PDE4B: variants seen among roughly 807,000 people sequenced by gnomAD.
PDE4B encodes the protein phosphodiesterase 4B.
In PDE4B, 20 loss-of-function variants were observed where a neutral mutation model predicts 82.2. That is an observed-to-expected ratio of 0.24 (90% CI 0.17 to 0.35). The LOEUF (loss-of-function observed/expected upper bound fraction) is 0.35. PDE4B is among the 10% of genes least tolerant of loss of function. The pLI is 1.00. For synonymous variants in PDE4B, 320 were observed against 318.9 expected (o/e 1.00, Z -0.04); for missense variants, 655 against 907.2 (o/e 0.72, Z 3.57).
chr1:65,930,406 A>G (rs1389134606), intron 3 of PDE4B, among the ~76,000 whole-genome samples: 1 of 152,210 alleles, frequency 6.6e-6, no homozygotes. Context: ...CTCCAGAATG[A>G]TAGATCCACT....
chr1:66,241,515 T>G (rs1369284059), intron 3 of PDE4B, among the ~76,000 whole-genome samples: 2 of 152,188 alleles, frequency 1.3e-5, no homozygotes, highest in Non-Finnish European at 2.9e-5. Context: ...TTCTTTTTTT[T>G]TCTTTTTGTG....
chr1:66,255,873 T>C (rs1260657512), intron 4 of PDE4B, among the ~76,000 whole-genome samples: 1 of 152,224 alleles, frequency 6.6e-6, no homozygotes, highest in Non-Finnish European at 1.5e-5. Flanking sequence ...AGTCATAAAA[T>C]AGGAAGCATA....
intron 3 of PDE4B, among the ~76,000 whole-genome samples, chr1:66,002,601 A>G (rs2100713410): frequency 6.6e-6 from 1 of 152,050 alleles, no homozygotes. Context: ...ATGAAACACT[A>G]TATAATGCCT....
chr1:65,887,021 C>T (rs1646785803), intron 1 of PDE4B, among the ~76,000 whole-genome samples: 2 of 152,138 alleles, frequency 1.3e-5, no homozygotes, highest in South Asian at 4.1e-4. Flanking sequence ...TTCACATTCT[C>T]ACCAGCATCT....
At chr1:66,365,644 A>T in intron 12 of PDE4B, 23 bp from the exon 13 acceptor site, 1 of 1,438,396 alleles carries the variant, frequency 7.0e-7, no homozygotes, top group Non-Finnish European at 9.8e-7. Flanking sequence ...ATGTGTAGTT[A>T]AATGTGTTTA....
At chr1:66,230,992 C>T (rs1181777989) in intron 3 of PDE4B, among the ~76,000 whole-genome samples, 3 of 149,816 alleles carry the variant, frequency 2.0e-5, no homozygotes, top group Admixed American at 2.0e-4. Flanking sequence ...CGAGATTGCA[C>T]CACTGCACTC....
At chr1:65,943,663 T>C (rs763835609) in intron 3 of PDE4B, among the ~76,000 whole-genome samples, 1 of 151,952 alleles carries the variant, frequency 6.6e-6, no homozygotes, top group Non-Finnish European at 1.5e-5. Context: ...TATCCGAGTC[T>C]TCTTCAATTT....
intron 1 of PDE4B, among the ~76,000 whole-genome samples, chr1:65,813,084 G>A (rs932978067): frequency 6.6e-6 from 1 of 152,194 alleles, no homozygotes; most frequent in Non-Finnish European, 1.5e-5. Context: ...AGGCTACCGA[G>A]GGAGTTCAGG....
At chr1:66,081,978 C>G (rs997189661) in intron 3 of PDE4B, among the ~76,000 whole-genome samples, 2 of 151,848 alleles carry the variant, frequency 1.3e-5, no homozygotes, top group African/African-American at 2.4e-5. Flanking sequence ...GGAAAGGAAG[C>G]TTTTAGTGAA....
At chr1:66,322,637 G>C (rs893300492) in intron 7 of PDE4B, among the ~76,000 whole-genome samples, 1 of 151,862 alleles carries the variant, frequency 6.6e-6, no homozygotes, top group African/African-American at 2.4e-5. Context: ...TTAGAATGGT[G>C]ATCATTAAAA....
intron 7 of PDE4B, chr1:66,266,961 C>T (rs946249929): frequency 4.8e-6 from 1 of 207,382 alleles, no homozygotes; most frequent in Admixed American, 5.4e-5. Context: ...TTTCCAGCAG[C>T]GCTTCATACT....
intron 3 of PDE4B, among the ~76,000 whole-genome samples, chr1:66,144,488 G>A (rs1460263044): frequency 6.6e-6 from 1 of 152,142 alleles, no homozygotes; most frequent in Admixed American, 6.5e-5. Context: ...CAAAGATTTG[G>A]AATGTAAATT....
intron 3 of PDE4B, among the ~76,000 whole-genome samples, chr1:65,921,523 T>C (rs998108955): frequency 5.9e-5 from 9 of 152,194 alleles, no homozygotes; most frequent in African/African-American, 2.2e-4. Flanking sequence ...TCAATTTCCA[T>C]GCCAAGACCA....
At chr1:65,960,562 G>A (rs144311917) in intron 3 of PDE4B, among the ~76,000 whole-genome samples, 6 of 152,156 alleles carry the variant, frequency 3.9e-5, no homozygotes, top group African/African-American at 1.2e-4. Context: ...CAGATTCCCT[G>A]AGCCTCAGAT....
chr1:66,018,253 C>CAAAAATACA (rs2100758802), intron 3 of PDE4B, among the ~76,000 whole-genome samples: 1 of 151,762 alleles, frequency 6.6e-6, no homozygotes, highest in East Asian at 1.9e-4. Flanking sequence ...CCGTCTCTAC[C>CAAAAATACA]AAAAATACAA....
intron 3 of PDE4B, among the ~76,000 whole-genome samples, chr1:66,223,521 C>T (rs1491000487): frequency 1.3e-5 from 2 of 152,120 alleles, no homozygotes; most frequent in Non-Finnish European, 2.9e-5. Context: ...ATAAATGAAT[C>T]TTCCCTAACC....
chr1:66,056,788 T>A (rs185299416), intron 3 of PDE4B, among the ~76,000 whole-genome samples: 24 of 152,280 alleles, frequency 1.6e-4, no homozygotes, highest in Middle Eastern at 3.4e-3. Flanking sequence ...ATGCAGGTCA[T>A]GTTTGGAAGC....
At chr1:66,166,994 C>T (rs1646746474) in intron 3 of PDE4B, among the ~76,000 whole-genome samples, 2 of 152,134 alleles carry the variant, frequency 1.3e-5, no homozygotes, top group South Asian at 2.1e-4. Context: ...ATCAAAACCA[C>T]AATGAGATAT....
chr1:66,099,973 T>A (rs964221096), intron 3 of PDE4B, among the ~76,000 whole-genome samples: 9 of 152,156 alleles, frequency 5.9e-5, no homozygotes, highest in African/African-American at 1.9e-4. Context: ...AAGTCTTCCC[T>A]GGCCATGTTT....
Sources: gnomAD v4.1 joint callset for allele counts (sites outside exome capture counted in the v4.1 genomes callset) on GRCh38, gnomAD v4.1.1 for gene constraint, MANE v1.5 for transcripts, NCBI Gene and HGNC (gene_info 2026-07-23, HGNC 2026-07-21) for gene names.